The following AFF3 variants were observed in gnomAD, a reference collection of about 807,000 sequenced individuals.
The protein encoded by AFF3 is ALF transcription elongation factor 3.
Under a neutral mutation model 129.7 loss-of-function variants are expected in AFF3, and 32 were observed. That is an observed-to-expected ratio of 0.25 (90% CI 0.19 to 0.33). AFF3 has a LOEUF of 0.33. AFF3 is among the 10% of genes least tolerant of loss of function. The probability of loss-of-function intolerance (pLI) is 1.00; values close to 1 mark genes in which losing one functional copy is unlikely to be tolerated. For synonymous variants in AFF3, 644 were observed against 635.4 expected (o/e 1.01, Z -0.20); for missense variants, 1,373 against 1,592.0 (o/e 0.86, Z 2.34).
chr2:99,738,527 T>C (rs1399541765), intron 10 of AFF3, among the ~76,000 whole-genome samples: 3 of 152,156 alleles, frequency 2.0e-5, no homozygotes, highest in Non-Finnish European at 4.4e-5. Flanking sequence ...TACTTGAAAC[T>C]TTTTTCTTCT....
At chr2:99,938,746 C>A (rs1237760391) in intron 7 of AFF3, among the ~76,000 whole-genome samples, 1 of 152,152 alleles carries the variant, frequency 6.6e-6, no homozygotes, top group African/African-American at 2.4e-5. Flanking sequence ...GGGTGTCTAG[C>A]CTGCTGGCCA....
At chr2:100,117,534 C>G (rs1412858172) in intron 2 of AFF3, among the ~76,000 whole-genome samples, 1 of 152,034 alleles carries the variant, frequency 6.6e-6, no homozygotes, top group Non-Finnish European at 1.5e-5. Flanking sequence ...TATCTTTTTG[C>G]CTTTTGGAGA....
At chr2:100,056,125 T>C (rs1686765312) in intron 4 of AFF3, among the ~76,000 whole-genome samples, 1 of 147,872 alleles carries the variant, frequency 6.8e-6, no homozygotes, top group Non-Finnish European at 1.5e-5. Context: ...GCAGCAAATA[T>C]AAACTCATCA....
chr2:99,874,919 C>T (rs1026825098), intron 7 of AFF3, among the ~76,000 whole-genome samples: 4 of 151,582 alleles, frequency 2.6e-5, no homozygotes, highest in African/African-American at 7.3e-5. Context: ...GAGTGAGACA[C>T]GGAGAAAAAG....
intron 7 of AFF3, among the ~76,000 whole-genome samples, chr2:99,900,952 G>A (rs1194279695): frequency 2.0e-5 from 3 of 152,226 alleles, no homozygotes; most frequent in African/African-American, 7.2e-5. Flanking sequence ...CTCCTAAAGA[G>A]CCGCAAGTGC....
chr2:99,917,594 CATCAT>C (rs1695560855), intron 7 of AFF3, among the ~76,000 whole-genome samples: 1 of 152,118 alleles, frequency 6.6e-6, no homozygotes, highest in Non-Finnish European at 1.5e-5. Context: ...TATAATCATA[CATCAT>C]ATCATAGAAT....
chr2:99,570,577 A>T (rs1676384781), intron 18 of AFF3, among the ~76,000 whole-genome samples: 1 of 152,098 alleles, frequency 6.6e-6, no homozygotes, highest in Non-Finnish European at 1.5e-5. Context: ...AGGTCAAGTG[A>T]TCCACCTGCC....
At chr2:99,571,024 T>C (rs1433818749) in intron 18 of AFF3, among the ~76,000 whole-genome samples, 3 of 152,258 alleles carry the variant, frequency 2.0e-5, no homozygotes, top group Non-Finnish European at 4.4e-5. Flanking sequence ...GTACTGGGCA[T>C]GTGTGCAACT....
At chr2:99,872,576 T>C (rs1430688675) in intron 7 of AFF3, among the ~76,000 whole-genome samples, 2 of 144,672 alleles carry the variant, frequency 1.4e-5, no homozygotes, top group Non-Finnish European at 3.0e-5. Flanking sequence ...TGAAGTCCTA[T>C]GCAAAAATGC....
chr2:100,112,240 G>A (rs1691539284), intron 2 of AFF3: 1 of 152,268 alleles, frequency 6.6e-6, no homozygotes, highest in Non-Finnish European at 1.5e-5. Context: ...TGGCCATGGA[G>A]ATGAGAGAAA....
chr2:100,001,112 A>G (rs1681366835), intron 7 of AFF3, among the ~76,000 whole-genome samples: 1 of 152,226 alleles, frequency 6.6e-6, no homozygotes, highest in South Asian at 2.1e-4. Context: ...GTTCAGACGC[A>G]TTCCGGGGGA....
At chr2:99,749,605 G>C (rs565001667) in intron 9 of AFF3, among the ~76,000 whole-genome samples, 1 of 152,280 alleles carries the variant, frequency 6.6e-6, no homozygotes, top group Admixed American at 6.5e-5. Flanking sequence ...GGGTGCCACT[G>C]GAAGTACACA....
chr2:99,714,320 T>G (rs1489031237), intron 11 of AFF3, among the ~76,000 whole-genome samples: 1 of 152,170 alleles, frequency 6.6e-6, no homozygotes, highest in Non-Finnish European at 1.5e-5. Flanking sequence ...CATGCCCCTT[T>G]GCAGGCCTCC....
At chr2:100,111,938 G>A (rs994270653) in intron 2 of AFF3, among the ~76,000 whole-genome samples, 4 of 152,304 alleles carry the variant, frequency 2.6e-5, no homozygotes, top group Admixed American at 2.6e-4. Context: ...TCTCTGAAGA[G>A]CCTCCCTGTT....
chr2:100,052,579 A>G (rs140395633), intron 4 of AFF3, among the ~76,000 whole-genome samples: 300 of 152,236 alleles, frequency 2.0e-3, no homozygotes, highest in African/African-American at 6.7e-3. Context: ...TCCCCACTCT[A>G]TGTGCAGGGT....
chr2:99,718,752 A>C (rs903519103), intron 11 of AFF3, among the ~76,000 whole-genome samples: 1 of 150,920 alleles, frequency 6.6e-6, no homozygotes, highest in East Asian at 1.9e-4. Context: ...TAGGTTTTTC[A>C]ATTTTTTTTT....
At chr2:99,739,565 T>C (rs1269003445) in intron 10 of AFF3, among the ~76,000 whole-genome samples, 1 of 151,860 alleles carries the variant, frequency 6.6e-6, no homozygotes, top group Middle Eastern at 3.2e-3. Flanking sequence ...CTTAATAAGC[T>C]TCCATTTTAT....
At chr2:99,645,057 G>A (rs758441076) in intron 13 of AFF3, among the ~76,000 whole-genome samples, 1 of 152,200 alleles carries the variant, frequency 6.6e-6, no homozygotes, top group Non-Finnish European at 1.5e-5. Flanking sequence ...TTGCTGGGCC[G>A]AGTGTGGTGG....
intron 18 of AFF3, among the ~76,000 whole-genome samples, chr2:99,576,869 A>C (rs1319379994): frequency 1.3e-5 from 2 of 152,122 alleles, no homozygotes; most frequent in Non-Finnish European, 2.9e-5. Flanking sequence ...CCTAATTATA[A>C]ATGTAGTTGG....
Sources: gnomAD v4.1 joint callset for allele counts (sites outside exome capture counted in the v4.1 genomes callset) on GRCh38, gnomAD v4.1.1 for gene constraint, MANE v1.5 for transcripts, NCBI Gene and HGNC (gene_info 2026-07-23, HGNC 2026-07-21) for gene names.